Variants in ADGRV1 observed in about 807,000 individuals in gnomAD.
ADGRV1 encodes adhesion G protein-coupled receptor V1, also known as G-protein coupled receptor 98.
ADGRV1 carries 359 observed loss-of-function variants against 596.2 expected under a neutral mutation model. The observed-to-expected ratio is 0.60, with a 90% confidence interval of 0.55 to 0.66. The LOEUF (loss-of-function observed/expected upper bound fraction) is 0.66, where lower values mean the gene tolerates loss of function less well. ADGRV1 is among the 30% of genes least tolerant of loss of function. The pLI is 0.00. For synonymous variants in ADGRV1, 2,681 were observed against 2,679.2 expected (o/e 1.00, Z -0.02); for missense variants, 7,274 against 7,575.6 (o/e 0.96, Z 1.48).
intron 75 of ADGRV1, among the ~76,000 whole-genome samples, chr5:90,823,059 A>G (rs1763731938): frequency 2.6e-5 from 4 of 152,208 alleles, no homozygotes; most frequent in Admixed American, 6.5e-5. Flanking sequence ...TAAATATACA[A>G]TCATGTCATC....
At chr5:91,020,258 C>G (rs1783526304) in intron 85 of ADGRV1, among the ~76,000 whole-genome samples, 1 of 151,970 alleles carries the variant, frequency 6.6e-6, no homozygotes, top group Non-Finnish European at 1.5e-5. Context: ...GGCTAGGAAT[C>G]TAACATGTGT....
chr5:91,136,837 A>G (rs542240642), intron 87 of ADGRV1, among the ~76,000 whole-genome samples: 56 of 151,360 alleles, frequency 3.7e-4, no homozygotes, highest in Admixed American at 1.1e-3. Flanking sequence ...GCTATTTTCA[A>G]TGAAGAAAAT....
chr5:90,631,325 C>T (rs546570227), intron 9 of ADGRV1, among the ~76,000 whole-genome samples: 61 of 152,072 alleles, frequency 4.0e-4, no homozygotes, highest in African/African-American at 5.8e-4. Flanking sequence ...TTGAAGACTC[C>T]CGCGTTTTTT....
intron 50 of ADGRV1, among the ~76,000 whole-genome samples, chr5:90,742,789 A>G (rs966410220): frequency 6.6e-6 from 1 of 152,208 alleles, no homozygotes; most frequent in Non-Finnish European, 1.5e-5. Flanking sequence ...ATTGATTCAG[A>G]TGATGTCTCA....
intron 85 of ADGRV1, among the ~76,000 whole-genome samples, chr5:91,027,144 A>AACATAC (rs1784080053): frequency 1.5e-5 from 2 of 129,128 alleles, no homozygotes; most frequent in African/African-American, 5.8e-5. Context: ...ACAGTCTCAA[A>AACATAC]ACACACACAC....
chr5:91,077,889 C>G (rs1788988433), intron 86 of ADGRV1, among the ~76,000 whole-genome samples: 1 of 152,226 alleles, frequency 6.6e-6, no homozygotes, highest in African/African-American at 2.4e-5. Flanking sequence ...TGACTCCTTT[C>G]TGATTCATGA....
chr5:91,116,518 A>G (rs1333801993), intron 87 of ADGRV1, among the ~76,000 whole-genome samples: 2 of 152,166 alleles, frequency 1.3e-5, no homozygotes. Context: ...ATTACTTCAC[A>G]TAGTGTATCA....
At chr5:90,981,350 CTT>C (rs1562040001) in intron 84 of ADGRV1, among the ~76,000 whole-genome samples, 1 of 152,162 alleles carries the variant, frequency 6.6e-6, no homozygotes, top group Non-Finnish European at 1.5e-5. Context: ...AGAGGGGTAA[CTT>C]TGAATAGAAT....
rs1032526317 is a variant in ADGRV1 at position 90,693,576 on chromosome 5, CT to C, written c.7134-311del. On this transcript the variant is annotated intron_variant, in intron 32 of 89. Transcript: ENST00000405460. ...GTAGTCATGTTTGTTATCATTGTTA[CT>C]TTGTTTCAGTTAAGTAAAGCAATAA... 1.3e-4 allele frequency among the ~76,000 whole-genome samples: 19 copies of C among 151,918 alleles called. No homozygotes were observed. The South Asian group carries it at 2.1e-3, about 17-fold the overall frequency.
intron 83 of ADGRV1, among the ~76,000 whole-genome samples, chr5:90,864,103 C>T (rs1581362478): frequency 6.6e-6 from 1 of 151,878 alleles, no homozygotes; most frequent in African/African-American, 2.4e-5. Flanking sequence ...TATCACAAAG[C>T]ATCTTATTGT....
intron 75 of ADGRV1, among the ~76,000 whole-genome samples, chr5:90,817,929 AG>A (rs1323757716): frequency 2.6e-5 from 4 of 152,104 alleles, no homozygotes; most frequent in Admixed American, 1.3e-4. Flanking sequence ...ACTTTAAAGT[AG>A]TTTTTTCCAA....
At chr5:91,075,434 A>G (rs1223527622) in intron 86 of ADGRV1, among the ~76,000 whole-genome samples, 1 of 152,182 alleles carries the variant, frequency 6.6e-6, no homozygotes, top group African/African-American at 2.4e-5. Flanking sequence ...ATGCTTCATT[A>G]CTGATATAGT....
chr5:90,617,971 CCTT>C lies in ADGRV1; in HGVS notation c.357+19_357+21del, dbSNP rs1279808309. 2 of 1,518,946 alleles carry C rather than the reference CCTT, an allele frequency of 1.3e-6. No homozygotes were observed. The highest frequency in any genetic ancestry group is 1.8e-6 in the Non-Finnish European group (2 of 1,131,108). The allele number at this position is 1,518,946 out of a possible 1,614,324, so 94.1% of individuals were successfully genotyped here. A position where few individuals can be genotyped will look rare whatever the true frequency, so the allele number is the denominator to read the frequency against. The stretch of plus-strand genomic sequence containing the variant: ...CATTACAGGTAAGTCCGTGTTTCCT[CCTT>C]ATAAAAATTATAAGGAGGACTTATA... On this transcript the variant is annotated intron_variant, in intron 3 of 89. Coordinates refer to ENST00000405460, the MANE Select transcript of ADGRV1 (RefSeq NM_032119.4).
intron 83 of ADGRV1, among the ~76,000 whole-genome samples, chr5:90,940,644 C>T (rs1450485182): frequency 6.6e-6 from 1 of 152,052 alleles, no homozygotes; most frequent in Admixed American, 6.6e-5. Flanking sequence ...TCACAAACTG[C>T]ATGGAAGCAA....
At chr5:90,588,628 A>G (rs1262546135) in intron 1 of ADGRV1, among the ~76,000 whole-genome samples, 2 of 152,196 alleles carry the variant, frequency 1.3e-5, no homozygotes, top group African/African-American at 4.8e-5. Context: ...GTGAGGTGAG[A>G]AGGAAAACCA....
chr5:91,087,644 A>G (rs59661306), intron 86 of ADGRV1, among the ~76,000 whole-genome samples: 27,294 of 152,126 alleles, frequency 0.18, 3,510 homozygotes, highest in African/African-American at 0.37. Flanking sequence ...ATACATTTTG[A>G]TGCTGAAGAA....
chr5:90,705,608 T>G, intron 37 of ADGRV1, 29 bp downstream of exon 37: 4 of 1,582,028 alleles, frequency 2.5e-6, no homozygotes, highest in Non-Finnish European at 3.5e-6. Flanking sequence ...TGAATGGGGT[T>G]TCCAGGCAAG....
chr5:90,648,251 G>A lies in ADGRV1; in HGVS notation c.3289+487G>A, dbSNP rs538697302. Among the ~76,000 whole-genome samples the A allele has an allele frequency of 5.9e-5, 9 of 152,290 alleles. No homozygotes were observed. In the South Asian group the frequency reaches 1.2e-3, roughly 21 times the overall value. Reference sequence around the variant, plus strand: ...TGAATGACAATCTGCAAGTGAAAAAGATGTGTTCGTCCTTCTCCATACTGT... The same window carrying A: ...TGAATGACAATCTGCAAGTGAAAAAAATGTGTTCGTCCTTCTCCATACTGT... On this transcript the variant is annotated intron_variant, in intron 17 of 89. Transcript: ENST00000405460.
chr5:91,107,034 A>C (rs1791938401), intron 87 of ADGRV1, among the ~76,000 whole-genome samples: 1 of 152,168 alleles, frequency 6.6e-6, no homozygotes, highest in Admixed American at 6.5e-5. Context: ...CCAAACCGTT[A>C]TGTGTAGCAG....
Sources: gnomAD v4.1 joint callset for allele counts (sites outside exome capture counted in the v4.1 genomes callset) on GRCh38, gnomAD v4.1.1 for gene constraint, MANE v1.5 for transcripts, NCBI Gene and HGNC (gene_info 2026-07-23, HGNC 2026-07-21) for gene names.